Variants in GRIK4 observed in about 807,000 individuals in gnomAD.
The protein encoded by GRIK4 is glutamate ionotropic receptor kainate type subunit 4, also known as glutamate receptor ionotropic, kainate 4.
In GRIK4, 40 loss-of-function variants were observed where a neutral mutation model predicts 104.9. The ratio of observed to expected loss-of-function variants is 0.38; its 90% CI spans 0.30 to 0.50. The LOEUF (loss-of-function observed/expected upper bound fraction) is 0.50. GRIK4 is among the 20% of genes least tolerant of loss of function. The probability of loss-of-function intolerance (pLI) is 0.93; values close to 1 mark genes in which losing one functional copy is unlikely to be tolerated. For synonymous variants in GRIK4, 485 were observed against 524.9 expected, an observed-to-expected ratio of 0.92 and a Z score of 1.04; for missense variants, 1,047 against 1,308.1, an observed-to-expected ratio of 0.80 and a Z score of 3.08.
chr11:120,628,923 T>TA (rs1949296548), intron 1 of GRIK4, among the ~76,000 whole-genome samples: 1 of 152,348 alleles, frequency 6.6e-6, no homozygotes, highest in East Asian at 1.9e-4. Context: ...GTACTTGCCT[T>TA]ACGCTGTGCT....
intron 1 of GRIK4, among the ~76,000 whole-genome samples, chr11:120,559,515 A>G (rs80260914): frequency 0.036 from 5,503 of 152,330 alleles, 122 homozygotes; most frequent in East Asian, 0.099. Flanking sequence ...AAACATTAAC[A>G]AAAATTATTT....
chr11:120,626,398 G>A (rs1000689202), intron 1 of GRIK4, among the ~76,000 whole-genome samples: 13 of 152,110 alleles, frequency 8.5e-5, no homozygotes, highest in Non-Finnish European at 1.3e-4. Context: ...TAACTGGCTC[G>A]GCACACTTTA....
intron 1 of GRIK4, among the ~76,000 whole-genome samples, chr11:120,597,655 C>T (rs1278009760): frequency 6.6e-6 from 1 of 152,178 alleles, no homozygotes; most frequent in Non-Finnish European, 1.5e-5. Context: ...CCGTGGGGGT[C>T]CTGAGGTGGT....
chr11:120,889,924 C>G (rs1000724620), intron 11 of GRIK4, among the ~76,000 whole-genome samples: 3 of 151,938 alleles, frequency 2.0e-5, no homozygotes, highest in Admixed American at 6.6e-5. Context: ...TTTGAATAGG[C>G]CTTGAAACTT....
At chr11:120,757,954 A>G (rs1156787892) in intron 3 of GRIK4, among the ~76,000 whole-genome samples, 1 of 152,148 alleles carries the variant, frequency 6.6e-6, no homozygotes, top group Non-Finnish European at 1.5e-5. Context: ...GGGATTGATG[A>G]TGTAGAGACT....
chr11:120,602,795 T>C (rs1368027896), intron 1 of GRIK4, among the ~76,000 whole-genome samples: 3 of 152,210 alleles, frequency 2.0e-5, no homozygotes, highest in African/African-American at 7.2e-5. Context: ...CTTGGACTCC[T>C]GGGCTCAGGC....
chr11:120,927,170 G>A (rs1175344902), intron 13 of GRIK4, among the ~76,000 whole-genome samples: 2 of 112,714 alleles, frequency 1.8e-5, no homozygotes, highest in South Asian at 4.0e-4. Flanking sequence ...GGTGGGCCAC[G>A]GTAAGGAGTT....
chr11:120,627,885 T>A (rs1054635079), intron 1 of GRIK4, among the ~76,000 whole-genome samples: 1 of 152,244 alleles, frequency 6.6e-6, no homozygotes, highest in Non-Finnish European at 1.5e-5. Context: ...CAAGACAAAC[T>A]TCAGAGTGAA....
At position 120,660,313 on chromosome 11, in the gene GRIK4, T is replaced by C. The variant is rs777233245; in HGVS notation, c.-6T>C. 12 of 1,610,830 alleles carry C rather than the reference T, an allele frequency of 7.4e-6. No homozygotes were observed. The Admixed American group carries it at 8.3e-5, about 11-fold the overall frequency. ...CAGCAGGGGGCTCCATGAGGATTCA[T>C]AGAAGATGCCCCGCGTCTCGGCGCC... On this transcript the variant is annotated 5_prime_UTR_variant, in exon 3 of 21. An upstream open reading frame in the 5' UTR loses its in-frame stop. Coordinates refer to ENST00000527524, the MANE Select transcript of GRIK4 (RefSeq NM_014619.5).
chr11:120,681,866 C>T (rs987775540), intron 3 of GRIK4, among the ~76,000 whole-genome samples: 1 of 152,160 alleles, frequency 6.6e-6, no homozygotes, highest in Non-Finnish European at 1.5e-5. Flanking sequence ...AGGGGCAGGG[C>T]CATCTCAGAA....
At chr11:120,972,391 T>G (rs1439106349) in intron 19 of GRIK4, among the ~76,000 whole-genome samples, 1 of 152,212 alleles carries the variant, frequency 6.6e-6, no homozygotes, top group African/African-American at 2.4e-5. Context: ...CAAAATAAGT[T>G]CTTAAAGCTC....
chr11:120,783,261 C>T (rs1211307314), intron 3 of GRIK4, among the ~76,000 whole-genome samples: 1 of 152,222 alleles, frequency 6.6e-6, no homozygotes, highest in Non-Finnish European at 1.5e-5. Context: ...GGGAAGACCA[C>T]GAGAACAGGA....
At chr11:120,829,327 G>A (rs1953360540) in intron 6 of GRIK4, among the ~76,000 whole-genome samples, 1 of 152,106 alleles carries the variant, frequency 6.6e-6, no homozygotes, top group Admixed American at 6.5e-5. Context: ...TGAGGAAGAG[G>A]CGGTAAATAC....
chr11:120,710,414 C>T (rs1019177186), intron 3 of GRIK4, among the ~76,000 whole-genome samples: 8 of 152,154 alleles, frequency 5.3e-5, no homozygotes, highest in Admixed American at 4.6e-4. Context: ...TCCTGGTGGA[C>T]CCCAGGGGTG....
At chr11:120,820,211 G>A (rs1953077509) in intron 6 of GRIK4, among the ~76,000 whole-genome samples, 4 of 152,094 alleles carry the variant, frequency 2.6e-5, no homozygotes, top group Admixed American at 2.6e-4. Flanking sequence ...GGGCATGAGT[G>A]GAACAGAGGG....
Position 120,795,827 on chromosome 11 carries a change from T to C in GRIK4, c.83-6866T>C, listed in dbSNP as rs370221681. Among the ~76,000 whole-genome samples, 66 of 152,236 alleles carry C rather than the reference T, an allele frequency of 4.3e-4. 1 individual carries two copies. In the East Asian group the frequency reaches 8.9e-3, roughly 21 times the overall value. On this transcript the variant is annotated intron_variant, in intron 3 of 20. Transcript: ENST00000527524. ...GATTGGTTCCAGGACCTCCCTCGGA[T>C]ACTAAAATCGGGGACACTCGAGTCC...
At chr11:120,936,726 T>C (rs1329795458) in intron 13 of GRIK4, 1 of 153,020 alleles carries the variant, frequency 6.5e-6, no homozygotes, top group Admixed American at 6.5e-5. Context: ...GCCCTGGTGC[T>C]GTCTCGATGG....
At chr11:120,624,063 T>TA (rs2135169953) in intron 1 of GRIK4, among the ~76,000 whole-genome samples, 1 of 152,274 alleles carries the variant, frequency 6.6e-6, no homozygotes, top group East Asian at 1.9e-4. Context: ...TCTAAGAGGC[T>TA]AATGTGAAAA....
At position 120,862,068 on chromosome 11, in the gene GRIK4, T is replaced by A; in HGVS notation, c.854T>A (p.Leu285His). The part of the protein sequence containing the change: ...HAFFQEFAQS[L>H]NQSWQENCDH... ...TTCTTCCAAGAGTTTGCCCAGAGCC[T>A]CAACCAGTCCTGGCAGGAGAACTGT... Residue 285 changes from leucine (L) to histidine (H), a missense_variant, in exon 9 of 21, where the codon CTC becomes CAC. Coordinates refer to ENST00000527524, the MANE Select transcript of GRIK4 (RefSeq NM_014619.5). The A allele has an allele frequency of 6.2e-7, 1 of 1,614,208 alleles. No homozygotes were observed. The highest frequency in any genetic ancestry group is 8.5e-7 in the Non-Finnish European group (1 of 1,180,002).
Sources: gnomAD v4.1 joint callset for allele counts (sites outside exome capture counted in the v4.1 genomes callset) on GRCh38, gnomAD v4.1.1 for gene constraint, MANE v1.5 for transcripts, NCBI Gene and HGNC (gene_info 2026-07-23, HGNC 2026-07-21) for gene names.